The following ATRNL1 variants were observed in gnomAD, a reference collection of about 807,000 sequenced individuals.
ATRNL1 encodes attractin-like protein 1.
Under a neutral mutation model 182.7 loss-of-function variants are expected in ATRNL1, and 95 were observed. That is an observed-to-expected ratio of 0.52 (90% CI 0.44 to 0.62). The LOEUF (loss-of-function observed/expected upper bound fraction) is 0.62, where lower values mean the gene tolerates loss of function less well. Ranked by LOEUF, ATRNL1 falls within the 20% of genes least tolerant of loss-of-function variation. The pLI, the probability that ATRNL1 is intolerant of heterozygous loss-of-function variation, is 0.00. For synonymous variants in ATRNL1, 576 were observed against 568.3 expected (o/e 1.01, Z -0.19); for missense variants, 1,471 against 1,679.5 (o/e 0.88, Z 2.17).
chr10:115,868,930 C>T (rs1280150893), intron 28 of ATRNL1, among the ~76,000 whole-genome samples: 30 of 149,522 alleles, frequency 2.0e-4, no homozygotes, highest in Non-Finnish European at 4.1e-4. Context: ...CCCAGGTTCA[C>T]GCCATTCTCC....
intron 26 of ATRNL1, among the ~76,000 whole-genome samples, chr10:115,646,709 A>G (rs1859637130): frequency 6.6e-6 from 1 of 151,292 alleles, no homozygotes. Context: ...TAATACATAT[A>G]TATATTCATG....
rs35920402 is a variant in ATRNL1 at position 115,816,615 on chromosome 10, GAC to G, written c.3904-31239_3904-31238del. ...AGACACACTTATAAGGACACACACA[GAC>G]ACACACACACACACACACACACGTG... On this transcript the variant is annotated intron_variant, in intron 27 of 28. Coordinates refer to ENST00000355044, the MANE Select transcript of ATRNL1 (RefSeq NM_207303.4). Among the ~76,000 whole-genome samples, 905 of 150,184 alleles carry G rather than the reference GAC, an allele frequency of 6.0e-3. 22 individuals carry two copies. Among genetic ancestry groups the G allele is most frequent in the South Asian group, 0.053 (254 of 4,750 alleles).
At chr10:115,922,632 G>T (rs1033405145) in intron 28 of ATRNL1, among the ~76,000 whole-genome samples, 1 of 152,034 alleles carries the variant, frequency 6.6e-6, no homozygotes, top group Non-Finnish European at 1.5e-5. Flanking sequence ...TACTCAGCCT[G>T]GGAAGCGTGG....
chr10:115,851,223 C>T (rs544759068), intron 28 of ATRNL1, among the ~76,000 whole-genome samples: 1 of 152,170 alleles, frequency 6.6e-6, no homozygotes, highest in African/African-American at 2.4e-5. Flanking sequence ...GAAGGATGAG[C>T]TTGAGGATCT....
chr10:115,473,264 A>G (rs981631007), intron 24 of ATRNL1, among the ~76,000 whole-genome samples: 1 of 151,092 alleles, frequency 6.6e-6, no homozygotes, highest in African/African-American at 2.4e-5. Flanking sequence ...TTTGTTGAGG[A>G]TATTTGCATT....
chr10:115,169,010 G>T (rs1847172402), intron 7 of ATRNL1, among the ~76,000 whole-genome samples: 1 of 144,424 alleles, frequency 6.9e-6, no homozygotes, highest in African/African-American at 2.6e-5. Context: ...CAGTAAGGGT[G>T]CAAGTTCTTT....
chr10:115,712,115 G>A (rs1198116700), intron 26 of ATRNL1, among the ~76,000 whole-genome samples: 1 of 152,150 alleles, frequency 6.6e-6, no homozygotes, highest in African/African-American at 2.4e-5. Flanking sequence ...AGGAAGAGTT[G>A]GGATTGTCTG....
intron 21 of ATRNL1, among the ~76,000 whole-genome samples, chr10:115,451,396 A>G (rs1847274270): frequency 6.6e-6 from 1 of 152,190 alleles, no homozygotes. Context: ...CAGCATATAT[A>G]TGGAACTTAA....
chr10:115,164,279 T>A (rs1250951005), intron 6 of ATRNL1, among the ~76,000 whole-genome samples: 1 of 152,196 alleles, frequency 6.6e-6, no homozygotes, highest in Non-Finnish European at 1.5e-5. Context: ...TACTGCCAAA[T>A]TCATTTTATA....
chr10:115,845,908 A>G (rs1212753824), intron 27 of ATRNL1, among the ~76,000 whole-genome samples: 2 of 151,946 alleles, frequency 1.3e-5, no homozygotes, highest in African/African-American at 4.8e-5. Context: ...ACCTTTACAT[A>G]TTGTTTGCAT....
intron 24 of ATRNL1, among the ~76,000 whole-genome samples, chr10:115,485,860 A>T (rs35333491): frequency 0.41 from 62,458 of 150,952 alleles, 13,714 homozygotes; most frequent in Middle Eastern, 0.49. Flanking sequence ...TGTTATCTAC[A>T]TTAGGTATTT....
At chr10:115,620,791 C>T (rs560614905) in intron 26 of ATRNL1, among the ~76,000 whole-genome samples, 16 of 152,300 alleles carry the variant, frequency 1.1e-4, no homozygotes, top group African/African-American at 3.8e-4. Context: ...CGTGTGTAAA[C>T]ACACATGAAC....
intron 27 of ATRNL1, among the ~76,000 whole-genome samples, chr10:115,781,321 A>G (rs189557298): frequency 6.6e-6 from 1 of 152,336 alleles, no homozygotes; most frequent in East Asian, 1.9e-4. Flanking sequence ...AAACATATAC[A>G]TACTGTATGA....
intron 25 of ATRNL1, among the ~76,000 whole-genome samples, chr10:115,538,214 C>T (rs1484963654): frequency 6.6e-6 from 1 of 152,086 alleles, no homozygotes; most frequent in African/African-American, 2.4e-5. Context: ...GCATAAATAC[C>T]AGGAAGTAGG....
At chr10:115,621,240 G>T in intron 26 of ATRNL1, among the ~76,000 whole-genome samples, 1 of 132,782 alleles carries the variant, frequency 7.5e-6, no homozygotes. Context: ...TCAAATAATG[G>T]CCATTGAGCT....
chr10:115,547,162 G>A (rs1039751618), intron 25 of ATRNL1, among the ~76,000 whole-genome samples: 18 of 151,646 alleles, frequency 1.2e-4, no homozygotes, highest in Non-Finnish European at 2.4e-4. Context: ...GGCTGAGGTG[G>A]GAGAATTGCT....
intron 15 of ATRNL1, among the ~76,000 whole-genome samples, chr10:115,299,725 C>T (rs1853378884): frequency 6.6e-6 from 1 of 151,982 alleles, no homozygotes; most frequent in Non-Finnish European, 1.5e-5. Flanking sequence ...TTAAATAATC[C>T]TACCTTATCA....
intron 8 of ATRNL1, among the ~76,000 whole-genome samples, chr10:115,182,915 A>C (rs1847802553): frequency 6.6e-6 from 1 of 151,542 alleles, no homozygotes; most frequent in South Asian, 2.1e-4. Context: ...AAATAAGAAA[A>C]TATCTAAAAA....
chr10:115,721,993 A>C (rs916372489), intron 26 of ATRNL1, among the ~76,000 whole-genome samples: 1 of 152,194 alleles, frequency 6.6e-6, no homozygotes, highest in Non-Finnish European at 1.5e-5. Flanking sequence ...ATAATGAAGA[A>C]AAAATAACTA....
Sources: allele counts gnomAD v4.1 joint callset (sites outside exome capture counted in the v4.1 genomes callset), GRCh38; gene constraint gnomAD v4.1.1; transcripts MANE v1.5; gene names NCBI Gene and HGNC (gene_info 2026-07-23, HGNC 2026-07-21).